TYW1: variants seen among roughly 807,000 people sequenced by gnomAD.
The protein encoded by TYW1 is tRNA-yW synthesizing protein 1 homolog.
TYW1 carries 46 observed loss-of-function variants against 96.2 expected under a neutral mutation model. The observed-to-expected ratio is 0.48, with a 90% CI of 0.38 to 0.61. The LOEUF (loss-of-function observed/expected upper bound fraction) is 0.61, where lower values mean the gene tolerates loss of function less well. Ranked by LOEUF, TYW1 falls within the 20% of genes least tolerant of loss-of-function variation. The pLI is 0.00. For synonymous variants in TYW1, 274 were observed against 323.0 expected, an observed-to-expected ratio of 0.85 and a Z score of 1.63; for missense variants, 684 against 909.6, an observed-to-expected ratio of 0.75 and a Z score of 3.19.
intron 15 of TYW1, among the ~76,000 whole-genome samples, chr7:67,222,858 C>CTTTCTTTCTTTCTT (rs1563078442): frequency 5.9e-5 from 6 of 101,528 alleles, no homozygotes; most frequent in African/African-American, 8.2e-5. Flanking sequence ...TCTCTGTTCG[C>CTTTCTTTCTTTCTT]TTTTTTTCTT....
At chr7:67,135,604 A>G (rs1798227785) in intron 13 of TYW1, among the ~76,000 whole-genome samples, 1 of 117,318 alleles carries the variant, frequency 8.5e-6, no homozygotes, top group African/African-American at 3.9e-5. Flanking sequence ...CGTCCAGCCA[A>G]CAGTTTTTTT....
chr7:67,031,171 C>G (rs1461947493), intron 7 of TYW1, among the ~76,000 whole-genome samples: 1 of 125,970 alleles, frequency 7.9e-6, no homozygotes, highest in Non-Finnish European at 1.6e-5. Context: ...CCAGCCTAGG[C>G]GACAGAGCGA....
intron 12 of TYW1, 148 bp from the exon 13 acceptor site, chr7:67,117,335 T>C (rs2115975524): frequency 1.2e-6 from 1 of 809,360 alleles, no homozygotes; most frequent in Non-Finnish European, 1.7e-6. Flanking sequence ...ATTAAAATCA[T>C]TAGTTCAGTC....
At chr7:67,114,481 T>G (rs140237145) in intron 12 of TYW1, 2,636 of 152,500 alleles carry the variant, frequency 0.017, 101 homozygotes, top group Admixed American at 0.081. Context: ...AAAATTAAGA[T>G]GAAGGGTCCT....
At chr7:67,013,793 G>C (rs1234867291) in intron 4 of TYW1, among the ~76,000 whole-genome samples, 1 of 142,694 alleles carries the variant, frequency 7.0e-6, no homozygotes, top group Non-Finnish European at 1.5e-5. Flanking sequence ...GCCCAGGCTG[G>C]AGTGCAGTGA....
intron 11 of TYW1, among the ~76,000 whole-genome samples, chr7:67,093,682 A>G (rs1026142712): frequency 1.3e-5 from 2 of 152,138 alleles, no homozygotes; most frequent in African/African-American, 2.4e-5. Context: ...TTAGATTTCA[A>G]TAACCTAAAA....
intron 15 of TYW1, among the ~76,000 whole-genome samples, chr7:67,207,078 G>A (rs777372858): frequency 3.9e-5 from 6 of 152,160 alleles, no homozygotes; most frequent in Non-Finnish European, 7.3e-5. Flanking sequence ...TTCACCTTGT[G>A]TAGTTCCACT....
intron 14 of TYW1, among the ~76,000 whole-genome samples, chr7:67,193,452 T>C (rs1800284500): frequency 1.3e-5 from 2 of 152,086 alleles, no homozygotes; most frequent in Admixed American, 6.5e-5. Context: ...CTCTGCTCAT[T>C]TGTTGGTTTT....
chr7:67,112,085 C>T (rs1303210380), intron 12 of TYW1, among the ~76,000 whole-genome samples: 3 of 111,502 alleles, frequency 2.7e-5, no homozygotes, highest in Non-Finnish European at 5.0e-5. Flanking sequence ...GGTGACAGAG[C>T]GAGACTCTGT....
At chr7:67,024,790 A>G in intron 6 of TYW1, 110 bp from the exon 7 acceptor site, 2 of 1,504,770 alleles carry the variant, frequency 1.3e-6, no homozygotes, top group Non-Finnish European at 1.8e-6. Flanking sequence ...CAAAGAAAAA[A>G]AAAAAAAAAG....
intron 11 of TYW1, among the ~76,000 whole-genome samples, chr7:67,095,496 A>AC (rs144555192): frequency 2.6e-5 from 1 of 38,164 alleles, no homozygotes; most frequent in African/African-American, 2.0e-4. Context: ...CTAAAAATAC[A>AC]AAAAAAAAAA....
At chr7:67,122,575 TC>T (rs1797791223) in intron 13 of TYW1, among the ~76,000 whole-genome samples, 1 of 152,236 alleles carries the variant, frequency 6.6e-6, no homozygotes, top group South Asian at 2.1e-4. Flanking sequence ...TTCTACTTAA[TC>T]CACTGGGGGA....
intron 7 of TYW1, among the ~76,000 whole-genome samples, chr7:67,037,031 A>G (rs1374623581): frequency 6.6e-6 from 1 of 152,128 alleles, no homozygotes; most frequent in East Asian, 1.9e-4. Context: ...CCCAGTTTTT[A>G]TTGAGCCTTC....
chr7:67,060,810 A>G (rs1027616546), intron 9 of TYW1, among the ~76,000 whole-genome samples: 2 of 152,242 alleles, frequency 1.3e-5, no homozygotes, highest in African/African-American at 4.8e-5. Flanking sequence ...AGCTGTTTAC[A>G]GTGTGAAAAT....
chr7:67,170,341 G>A (rs928148865), intron 13 of TYW1, among the ~76,000 whole-genome samples: 5 of 152,112 alleles, frequency 3.3e-5, no homozygotes, highest in African/African-American at 1.2e-4. Context: ...ATAGCTTTGA[G>A]TATGTTTTGA....
chr7:67,019,629 T>C (rs1794167168), intron 6 of TYW1, among the ~76,000 whole-genome samples: 1 of 152,158 alleles, frequency 6.6e-6, no homozygotes, highest in Non-Finnish European at 1.5e-5. Flanking sequence ...CCACTGCACC[T>C]AGCCAAAATA....
intron 9 of TYW1, among the ~76,000 whole-genome samples, chr7:67,060,083 G>GT (rs35219774): frequency 3.9e-4 from 55 of 142,314 alleles, no homozygotes; most frequent in African/African-American, 5.1e-4. Flanking sequence ...CTGTAGTTAT[G>GT]TTTTTTTTTT....
intron 11 of TYW1, among the ~76,000 whole-genome samples, chr7:67,086,726 T>C (rs566808460): frequency 1.4e-3 from 215 of 152,286 alleles, no homozygotes; most frequent in African/African-American, 5.1e-3. Context: ...ACGGGCAATC[T>C]ACTTTACTGA....
chr7:67,194,372 C>G (rs1047912075), intron 14 of TYW1, among the ~76,000 whole-genome samples: 5 of 151,116 alleles, frequency 3.3e-5, no homozygotes, highest in African/African-American at 1.2e-4. Flanking sequence ...CACCTGTGAT[C>G]CCAGCACCTT....
Sources: allele counts gnomAD v4.1 joint callset (sites outside exome capture counted in the v4.1 genomes callset), GRCh38; gene constraint gnomAD v4.1.1; transcripts MANE v1.5; gene names NCBI Gene and HGNC (gene_info 2026-07-23, HGNC 2026-07-21).